The following OR5AN1 variants were observed in gnomAD, a reference collection of about 807,000 sequenced individuals.
OR5AN1 encodes the protein olfactory receptor family 5 subfamily AN member 1.
For missense variants in OR5AN1, 476 were observed against 368.9 expected (o/e 1.29, Z -2.38); for synonymous variants, 167 against 131.8 (o/e 1.27, Z -1.83).
At chr11:59,360,320 G>A (rs1857449776) in intron 1 of OR5AN1, among the ~76,000 whole-genome samples, 1 of 152,186 alleles carries the variant, frequency 6.6e-6, no homozygotes, top group South Asian at 2.1e-4. Flanking sequence ...TTATCTGTGA[G>A]AGCTTATATT....
intron 1 of OR5AN1, among the ~76,000 whole-genome samples, chr11:59,363,620 A>G (rs1156269178): frequency 6.6e-6 from 1 of 152,224 alleles, no homozygotes; most frequent in African/African-American, 2.4e-5. Flanking sequence ...TTTTATTAAA[A>G]TAGGAGAAGT....
At position 59,368,856 on chromosome 11, in the gene OR5AN1, A is replaced by G. The variant is rs1012283597; in HGVS notation, c.*3462A>G. The G allele has an allele frequency of 1.3e-5, 2 of 152,268 alleles. No individual in the cohort carries two copies. The highest frequency in any genetic ancestry group is 4.8e-5 in the African/African-American group (2 of 41,448). 9.4% of individuals were successfully genotyped at this position (152,268 alleles called of 1,614,324 possible). On this transcript the variant is annotated 3_prime_UTR_variant, in exon 2 of 2. Transcript: ENST00000641998. ...CAGGCAGCACTCAGGGGGAGAGGAA[A>G]CCACACGTTCTGAGCACTGAGAGGG...
At chr11:59,360,677 T>C (rs1048072718) in intron 1 of OR5AN1, among the ~76,000 whole-genome samples, 9 of 152,276 alleles carry the variant, frequency 5.9e-5, no homozygotes, top group African/African-American at 2.2e-4. Flanking sequence ...TGAGAAGATA[T>C]AGTGTTTGGT....
rs1350758389 is a variant in OR5AN1, at chr11:59,369,139, A to T, written c.*3745A>T. 1 of 149,602 alleles carries T rather than the reference A, an allele frequency of 6.7e-6. No individual in the cohort carries two copies. Among genetic ancestry groups the T allele is most frequent in the East Asian group, 2.0e-4 (1 of 5,094 alleles). 9.3% of individuals were successfully genotyped at this position (149,602 alleles called of 1,614,324 possible). ...CTATACTCAAACTACTCTGCAGTTA[A>T]AGAAACACCCACATGCAGAGATGAG... On this transcript the variant is annotated 3_prime_UTR_variant, in exon 2 of 2. Transcript: ENST00000641998.
Position 59,365,505 on chromosome 11 carries a change from G to A in OR5AN1, c.*111G>A, listed in dbSNP as rs1857521286. On this transcript the variant is annotated 3_prime_UTR_variant, in exon 2 of 2. Transcript: ENST00000641998. ...AAATTCATGCTGCCTACTGCCTTTGGACAAAGAAGGCTTGATTTGATGCAC... is the reference window on the plus strand; with the variant it reads ...AAATTCATGCTGCCTACTGCCTTTGAACAAAGAAGGCTTGATTTGATGCAC... The A allele has an allele frequency of 1.5e-6, 1 of 671,984 alleles. No homozygotes were observed. Among genetic ancestry groups the A allele is most frequent in the Admixed American group, 3.1e-5 (1 of 32,688 alleles). 41.6% of individuals were successfully genotyped at this position (671,984 alleles called of 1,614,324 possible). A position where few individuals can be genotyped will look rare whatever the true frequency, so the allele number is the denominator to read the frequency against.
Position 59,367,126 on chromosome 11 carries a change from AG to A in OR5AN1, c.*1733del, listed in dbSNP as rs1857544078. 1 of 152,280 alleles carries A rather than the reference AG, an allele frequency of 6.6e-6. No individual in the cohort carries two copies. The highest frequency in any genetic ancestry group is 2.1e-4 in the South Asian group (1 of 4,834). 9.4% of individuals were successfully genotyped at this position (152,280 alleles called of 1,614,324 possible). A position where few individuals can be genotyped will look rare whatever the true frequency, so the allele number is the denominator to read the frequency against. ...TGTGAATCAGAAAAAAATTGAAAAA[AG>A]AATGCCAATTCAAACCTTAAGAAAA... On this transcript the variant is annotated 3_prime_UTR_variant, in exon 2 of 2. Coordinates refer to ENST00000641998, the MANE Select transcript of OR5AN1 (RefSeq NM_001004729.2).
At chr11:59,362,238 C>G (rs1857472843) in intron 1 of OR5AN1, among the ~76,000 whole-genome samples, 1 of 152,104 alleles carries the variant, frequency 6.6e-6, no homozygotes, top group South Asian at 2.1e-4. Flanking sequence ...CATCAACTGT[C>G]TTTCAAATAT....
chr11:59,363,909 T>A (rs1170901779), intron 1 of OR5AN1, among the ~76,000 whole-genome samples: 1 of 152,114 alleles, frequency 6.6e-6, no homozygotes, highest in Admixed American at 6.5e-5. Flanking sequence ...ATTACAGGTC[T>A]GTGCAACCAC....
chr11:59,359,328 A>G (rs1857439082), intron 1 of OR5AN1, 56 bp downstream of exon 1: 1 of 152,204 alleles, frequency 6.6e-6, no homozygotes, highest in African/African-American at 2.4e-5. Context: ...GACCTTGAAC[A>G]CTGCTATCTT....
chr11:59,365,145 C>T lies in OR5AN1; in HGVS notation c.687C>T (p.Ile229=). 1 of 1,614,030 alleles carries T rather than the reference C, an allele frequency of 6.2e-7. No individual in the cohort carries two copies. The highest frequency in any genetic ancestry group is 2.2e-5 in the East Asian group (1 of 44,862). The stretch of plus-strand genomic sequence containing the variant: ...ATATTGGCATCTCCATCATGAAGAT[C>T]ACTTCAGCTAAAGGCAGGTCCAAGG... ...YGYIGISIMK[I]TSAKGRSKAF... Residue 229 remains isoleucine (I), a synonymous_variant, in exon 2 of 2, where the codon ATC becomes ATT. Transcript: ENST00000641998.
rs1215512972 is a variant in OR5AN1 at position 59,364,833 on chromosome 11, T to C, written c.375T>C (p.Ala125=). 1 of 1,614,024 alleles carries C rather than the reference T, an allele frequency of 6.2e-7. No homozygotes were observed. The change falls in exon 2 of 2, where the codon GCT becomes GCC. Residue 125 remains alanine, a synonymous_variant. Transcript: ENST00000641998. ...LMTAMAYDRY[A]AICNPLLYSS... ...CAGCCATGGCTTATGATCGTTATGC[T>C]GCCATTTGTAACCCCCTGCTCTATT...
Position 59,364,424 on chromosome 11 carries a change from CTT to C in OR5AN1, c.-13-21_-13-20del. ...TTCAACTGAGTTAGCAATCCATTCT[CTT>C]GTCTCCTTTCTGATATTAGGAGCAC... On this transcript the variant is annotated intron_variant, in intron 1 of 1. Transcript: ENST00000641998. 1 of 1,450,832 alleles carries C rather than the reference CTT, an allele frequency of 6.9e-7. No homozygotes were observed. Among genetic ancestry groups the C allele is most frequent in the Non-Finnish European group, 9.5e-7 (1 of 1,052,084 alleles). 89.9% of individuals were successfully genotyped at this position (1,450,832 alleles called of 1,614,324 possible).
chr11:59,361,722 C>A (rs971019287), intron 1 of OR5AN1, among the ~76,000 whole-genome samples: 2 of 152,148 alleles, frequency 1.3e-5, no homozygotes, highest in Non-Finnish European at 2.9e-5. Context: ...GCACAGCCTG[C>A]AAGTAAGATT....
At position 59,364,541 on chromosome 11, in the gene OR5AN1, T is replaced by C; in HGVS notation, c.83T>C (p.Leu28Pro). Residue 28 changes from leucine (L) to proline (P), a missense_variant, in exon 2 of 2, where the codon CTC becomes CCC. Leu to Pro is a moderately conservative substitution (Grantham distance 98). Transcript: ENST00000641998. ...GATTTTCCCAGGATCATAAAAGTGCTCTTCACTATATTCCTGGTGATCTAC... is the reference window on the plus strand; with the variant it reads ...GATTTTCCCAGGATCATAAAAGTGCCCTTCACTATATTCCTGGTGATCTAC... ...FSDFPRIIKV[L>P]FTIFLVIYIT... 6.2e-7 allele frequency: 1 copy of C among 1,613,806 alleles called. No homozygotes were observed. The highest frequency in any genetic ancestry group is 8.5e-7 in the Non-Finnish European group (1 of 1,179,744).
chr11:59,364,298 G>A lies in OR5AN1; in HGVS notation c.-13-148G>A, dbSNP rs1857497368. 5.3e-6 allele frequency: 3 copies of A among 562,540 alleles called. No individual in the cohort carries two copies. In the East Asian group the frequency reaches 8.6e-5, roughly 16 times the overall value. The allele number at this position is 562,540 out of a possible 1,614,324, so 34.8% of individuals were successfully genotyped here. On this transcript the variant is annotated intron_variant, in intron 1 of 1. Coordinates refer to ENST00000641998, the MANE Select transcript of OR5AN1 (RefSeq NM_001004729.2). Reference sequence around the variant, plus strand: ...GTGCAGGTACATGCTGACAATTCAAGAAAGGCTGGGGTCTTTCCATCAGAA... The same window carrying A: ...GTGCAGGTACATGCTGACAATTCAAAAAAGGCTGGGGTCTTTCCATCAGAA...
intron 1 of OR5AN1, chr11:59,359,751 A>G (rs1459548650): frequency 6.6e-6 from 1 of 152,208 alleles, no homozygotes; most frequent in East Asian, 1.9e-4. Flanking sequence ...GGCAACACAG[A>G]TATCAGAGAT....
In OR5AN1 at chr11:59,359,281, CTGGAG is replaced by C. The variant is rs1376940677; in HGVS notation, c.-14+12_-14+16del. 6.6e-6 allele frequency: 1 copy of C among 152,146 alleles called. No individual in the cohort carries two copies. Among genetic ancestry groups the C allele is most frequent in the Non-Finnish European group, 1.5e-5 (1 of 68,028 alleles). 9.4% of individuals were successfully genotyped at this position (152,146 alleles called of 1,614,324 possible). A position where few individuals can be genotyped will look rare whatever the true frequency, so the allele number is the denominator to read the frequency against. ...CAAACATAAAATTTCAGGTATTATT[CTGGAG>C]TGAGGGATGGGTATTGAATTCTTAA... On this transcript the variant is annotated intron_variant, in intron 1 of 1. Coordinates refer to ENST00000641998, the MANE Select transcript of OR5AN1 (RefSeq NM_001004729.2).
chr11:59,359,508 C>A (rs931543280), intron 1 of OR5AN1: 8 of 152,094 alleles, frequency 5.3e-5, no homozygotes, highest in African/African-American at 1.7e-4. Context: ...ACCCCAAGGA[C>A]CCTTTTAATT....
rs1370482302 is a variant in OR5AN1, at chr11:59,365,778, C to T, written c.*384C>T. The T allele has an allele frequency of 6.4e-5, 11 of 172,066 alleles. No homozygotes were observed. Among genetic ancestry groups the T allele is most frequent in the South Asian group, 1.7e-4 (1 of 5,790 alleles). 10.7% of individuals were successfully genotyped at this position (172,066 alleles called of 1,614,324 possible). A position where few individuals can be genotyped will look rare whatever the true frequency, so the allele number is the denominator to read the frequency against. On this transcript the variant is annotated 3_prime_UTR_variant, in exon 2 of 2. Coordinates refer to ENST00000641998, the MANE Select transcript of OR5AN1 (RefSeq NM_001004729.2). The stretch of plus-strand genomic sequence containing the variant: ...AGAAATGAGGCCTGGCACAGACCCC[C>T]AGGAGTTCAGAAACATCATCTCCCA...
Sources: allele counts gnomAD v4.1 joint callset (sites outside exome capture counted in the v4.1 genomes callset), GRCh38; gene constraint gnomAD v4.1.1; transcripts MANE v1.5; gene names NCBI Gene and HGNC (gene_info 2026-07-23, HGNC 2026-07-21).